NR2C2: variants seen among roughly 807,000 people sequenced by gnomAD.
NR2C2 encodes the protein Nuclear hormone receptor TR4.
NR2C2 carries 6 observed loss-of-function variants against 62.9 expected under a neutral mutation model. The ratio of observed to expected loss-of-function variants is 0.10; its 90% CI spans 0.05 to 0.19. NR2C2 has a LOEUF of 0.19. Ranked by LOEUF, NR2C2 falls within the 10% of genes least tolerant of loss-of-function variation. The pLI is 1.00. For synonymous variants in NR2C2, 272 were observed against 273.8 expected (o/e 0.99, Z 0.07); for missense variants, 479 against 762.7 (o/e 0.63, Z 4.38).
chr3:15,029,872 A>G (rs982141447), intron 8 of NR2C2, among the ~76,000 whole-genome samples: 5 of 151,932 alleles, frequency 3.3e-5, no homozygotes, highest in Non-Finnish European at 5.9e-5. Context: ...GAAAGAGAGA[A>G]AGAAAAAGAG....
At chr3:15,024,902 TTCC>T (rs1338585913) in intron 7 of NR2C2, among the ~76,000 whole-genome samples, 2 of 152,342 alleles carry the variant, frequency 1.3e-5, no homozygotes, top group East Asian at 3.9e-4. Context: ...GCCTGCAGGC[TTCC>T]TCCTCATCTG....
At chr3:15,018,409 C>CA (rs549515857) in intron 4 of NR2C2, among the ~76,000 whole-genome samples, 10 of 151,506 alleles carry the variant, frequency 6.6e-5, no homozygotes, top group East Asian at 1.9e-4. Context: ...AACTCGACAG[C>CA]AAAAAAAACA....
chr3:15,030,598 C>T (rs1237628206), intron 9 of NR2C2, 146 bp downstream of exon 9: 1 of 719,394 alleles, frequency 1.4e-6, no homozygotes, highest in South Asian at 2.4e-5. Flanking sequence ...GAGGCCAAGG[C>T]ACGTGGATCA....
At chr3:15,039,280 G>A in intron 13 of NR2C2, 53 bp downstream of exon 13, 2 of 1,180,902 alleles carry the variant, frequency 1.7e-6, no homozygotes, top group South Asian at 1.2e-5. Flanking sequence ...GAGTGTGGCT[G>A]AGTCTGCAGT....
chr3:15,022,847 G>A (rs971243191), intron 5 of NR2C2, among the ~76,000 whole-genome samples: 2 of 152,028 alleles, frequency 1.3e-5, no homozygotes, highest in Non-Finnish European at 2.9e-5. Context: ...ACATAATGAG[G>A]CTTCATCTCT....
rs149712183 is a variant in NR2C2 at position 15,016,198 on chromosome 3, A to T, written c.320A>T (p.Asp107Val). 1 of 1,614,126 alleles carries T rather than the reference A, an allele frequency of 6.2e-7. No individual in the cohort carries two copies. Among genetic ancestry groups the T allele is most frequent in the Non-Finnish European group, 8.5e-7 (1 of 1,180,000 alleles). Residue 107 changes from aspartate to valine, a missense_variant, in exon 4 of 14, where the codon GAC (aspartate) becomes GTC (valine). Asp to Val is a radical substitution (Grantham distance 152). Around this residue, in one of 4 missense-constraint regions of NR2C2, gnomAD observed 115 missense variants for 152.3 expected, o/e 0.76. Coordinates refer to ENST00000425241, the MANE Select transcript of NR2C2 (RefSeq NM_001291694.2). ...ASVERLLGKTDVQRPQVVEYC... is the reference protein window; with the variant it reads ...ASVERLLGKTVVQRPQVVEYC... Reference sequence around the variant, plus strand: ...GTGGAGCGTTTACTGGGGAAGACGGACGTCCAGCGGCCCCAGGTGGTAGAG... The same window carrying T: ...GTGGAGCGTTTACTGGGGAAGACGGTCGTCCAGCGGCCCCAGGTGGTAGAG...
At chr3:15,028,276 G>T (rs1159274218) in intron 7 of NR2C2, among the ~76,000 whole-genome samples, 1 of 152,138 alleles carries the variant, frequency 6.6e-6, no homozygotes, top group African/African-American at 2.4e-5. Flanking sequence ...CTCTCATTCT[G>T]TGAGTTGTCC....
intron 9 of NR2C2, 31 bp downstream of exon 9, chr3:15,030,483 CA>C (rs1234191690): frequency 4.5e-6 from 7 of 1,538,470 alleles, no homozygotes. Context: ...CATGTGCCCC[CA>C]ACCTGCTGGG....
In NR2C2 at chr3:15,048,865, A is replaced by AGTTACAT. The variant is rs1257030496; in HGVS notation, c.*5857_*5858insGTTACAT. The AGTTACAT allele has an allele frequency of 3.3e-5, 5 of 152,614 alleles. No individual in the cohort carries two copies. The highest frequency in any genetic ancestry group is 7.3e-5 in the Non-Finnish European group (5 of 68,036). The allele number at this position is 152,614 out of a possible 1,614,324, so 9.5% of individuals were successfully genotyped here. On this transcript the variant is annotated 3_prime_UTR_variant, in exon 14 of 14. Coordinates refer to ENST00000425241, the MANE Select transcript of NR2C2 (RefSeq NM_001291694.2). ...CTGCATTACCAGCCCTTTTAAAGGC[A>AGTTACAT]TCTATCTATCAAAGGAAAATTTGGG...
At chr3:14,982,518 A>G in intron 1 of NR2C2, among the ~76,000 whole-genome samples, 1 of 151,710 alleles carries the variant, frequency 6.6e-6, no homozygotes, top group Middle Eastern at 3.4e-3. Context: ...GTTTTCTTTG[A>G]TTTTTTTTCT....
rs772569104 is a variant in NR2C2, at chr3:15,048,981, A to AAATTT, written c.*5975_*5976insTTTAA. 2.6e-5 allele frequency: 4 copies of AAATTT among 152,680 alleles called. No individual in the cohort carries two copies. Among genetic ancestry groups the AAATTT allele is most frequent in the Non-Finnish European group, 5.9e-5 (4 of 68,048 alleles). 9.5% of individuals were successfully genotyped at this position (152,680 alleles called of 1,614,324 possible). ...GCCATTACATTTTAATGCCAGGTTT[A>AAATTT]AAACCTGTTGAAAGCTGCAGCTTTA... On this transcript the variant is annotated 3_prime_UTR_variant, in exon 14 of 14. Transcript: ENST00000425241.
intron 8 of NR2C2, among the ~76,000 whole-genome samples, chr3:15,029,332 T>C (rs2041906527): frequency 6.6e-6 from 1 of 152,246 alleles, no homozygotes; most frequent in Non-Finnish European, 1.5e-5. Context: ...TAGATAGTGA[T>C]AGTATGAGCT....
intron 1 of NR2C2, among the ~76,000 whole-genome samples, chr3:14,977,948 CA>C (rs11388882): frequency 2.0e-3 from 208 of 104,158 alleles, no homozygotes; most frequent in Middle Eastern, 5.4e-3. Context: ...GACTCTGCCT[CA>C]AAAAAAAAAA....
intron 1 of NR2C2, among the ~76,000 whole-genome samples, chr3:14,963,958 A>C (rs2039763792): frequency 6.6e-6 from 1 of 152,312 alleles, no homozygotes; most frequent in South Asian, 2.1e-4. Flanking sequence ...ATATTAACTG[A>C]AAATGAAAGA....
intron 1 of NR2C2, among the ~76,000 whole-genome samples, chr3:14,954,476 A>G (rs939355375): frequency 7.2e-5 from 11 of 152,186 alleles, no homozygotes; most frequent in African/African-American, 2.7e-4. Context: ...ACTAGAAACA[A>G]TCTAAGTGTT....
At chr3:15,037,192 G>A (rs183702074) in intron 11 of NR2C2, among the ~76,000 whole-genome samples, 101 of 148,928 alleles carry the variant, frequency 6.8e-4, no homozygotes, top group African/African-American at 2.3e-3. Context: ...GTTTTTTGTT[G>A]TGTTATTGTT....
intron 10 of NR2C2, among the ~76,000 whole-genome samples, chr3:15,034,066 G>A (rs1214937381): frequency 6.6e-6 from 1 of 152,208 alleles, no homozygotes; most frequent in Non-Finnish European, 1.5e-5. Context: ...GACAGGTGAG[G>A]GAATGCAATT....
At chr3:14,995,320 CAAAAAAA>C (rs761643743) in intron 1 of NR2C2, among the ~76,000 whole-genome samples, 1 of 118,084 alleles carries the variant, frequency 8.5e-6, no homozygotes, top group Non-Finnish European at 1.8e-5. Context: ...TTTACCCCCT[CAAAAAAA>C]AAAAAAAAAA....
intron 4 of NR2C2, among the ~76,000 whole-genome samples, chr3:15,018,341 CA>C (rs2041569345): frequency 6.6e-6 from 1 of 152,108 alleles, no homozygotes; most frequent in African/African-American, 2.4e-5. Flanking sequence ...TTGGAGATAC[CA>C]TGCAAACTGT....
Sources: allele counts gnomAD v4.1 joint callset (sites outside exome capture counted in the v4.1 genomes callset), GRCh38; gene constraint gnomAD v4.1.1; regional missense constraint gnomAD v4.1.1; transcripts MANE v1.5; gene names NCBI Gene and HGNC (gene_info 2026-07-23, HGNC 2026-07-21).